Variants in IFT80 observed in about 807,000 individuals in gnomAD.
The protein encoded by IFT80 is intraflagellar transport protein 80 homolog.
In IFT80, 79 loss-of-function variants were observed where a neutral mutation model predicts 107.9. The ratio of observed to expected loss-of-function variants is 0.73; its 90% CI spans 0.61 to 0.88. IFT80 has a LOEUF of 0.88. Ranked by LOEUF, IFT80 falls within the 40% of genes least tolerant of loss-of-function variation. IFT80 has a pLI of 0.00. For synonymous variants in IFT80, 299 were observed against 300.9 expected (o/e 0.99, Z 0.07); for missense variants, 797 against 914.2 (o/e 0.87, Z 1.65).
chr3:160,396,381 C>T (rs1040376676), intron 1 of IFT80, among the ~76,000 whole-genome samples: 2 of 151,994 alleles, frequency 1.3e-5, no homozygotes, highest in African/African-American at 4.8e-5. Flanking sequence ...TAAATATTTA[C>T]AATTACAAAT....
intron 18 of IFT80, among the ~76,000 whole-genome samples, chr3:160,269,599 A>G (rs1295881552): frequency 6.6e-6 from 1 of 152,344 alleles, no homozygotes; most frequent in South Asian, 2.1e-4. Flanking sequence ...GACATAAAAT[A>G]TATACACTGA....
intron 1 of IFT80, among the ~76,000 whole-genome samples, chr3:160,398,875 A>G (rs1348317106): frequency 6.6e-6 from 1 of 152,184 alleles, no homozygotes; most frequent in Non-Finnish European, 1.5e-5. Context: ...TTCACTAGTA[A>G]CACCAATGAT....
chr3:160,389,061 T>C (rs1470860165), intron 1 of IFT80, among the ~76,000 whole-genome samples: 1 of 152,224 alleles, frequency 6.6e-6, no homozygotes, highest in Non-Finnish European at 1.5e-5. Flanking sequence ...TTTAAAGCCC[T>C]TTAATTTATG....
chr3:160,295,371 G>T (rs1017899271), intron 12 of IFT80, among the ~76,000 whole-genome samples: 2 of 152,312 alleles, frequency 1.3e-5, no homozygotes, highest in East Asian at 3.9e-4. Context: ...TTGGGAAGCT[G>T]AAGTGGGAGG....
At chr3:160,399,031 G>C (rs570670803) in intron 1 of IFT80, 115 bp downstream of exon 1, 31 of 152,230 alleles carry the variant, frequency 2.0e-4, no homozygotes, top group African/African-American at 7.5e-4. Context: ...CCGCCAGGGA[G>C]ACAGAAAATG....
At chr3:160,307,868 A>C in intron 9 of IFT80, 87 bp from the exon 10 acceptor site, 1 of 741,710 alleles carries the variant, frequency 1.3e-6, no homozygotes, top group Non-Finnish European at 2.4e-6. Context: ...GAAACACAAA[A>C]AATTAAATGC....
chr3:160,396,974 G>C (rs1713825670), intron 1 of IFT80, among the ~76,000 whole-genome samples: 1 of 152,098 alleles, frequency 6.6e-6, no homozygotes, highest in African/African-American at 2.4e-5. Context: ...AGTTTTCTGA[G>C]TGGGCAATGG....
intron 8 of IFT80, among the ~76,000 whole-genome samples, chr3:160,331,318 C>G (rs769727169): frequency 2.0e-5 from 3 of 152,104 alleles, no homozygotes; most frequent in Non-Finnish European, 4.4e-5. Context: ...CCTGGGAAAA[C>G]AAAGTAGGAT....
chr3:160,287,080 T>C (rs1214606389), intron 12 of IFT80, among the ~76,000 whole-genome samples: 1 of 152,124 alleles, frequency 6.6e-6, no homozygotes, highest in Non-Finnish European at 1.5e-5. Flanking sequence ...GCCAATGTAA[T>C]AAAACCCCAT....
Position 160,388,963 on chromosome 3 carries a change from A to G in IFT80, c.-46-4317T>C, listed in dbSNP as rs542989509. 1.3e-3 allele frequency among the ~76,000 whole-genome samples: 199 copies of G among 152,378 alleles called. 1 individual carries two copies. Among genetic ancestry groups the G allele is most frequent in the African/African-American group, 4.6e-3 (191 of 41,596 alleles). The stretch of plus-strand genomic sequence containing the variant: ...AAATTCTCCCCTAGAGATTCTAGAA[A>G]GAAACACAGTTCTGTCAACACCTTG... On this transcript the variant is annotated intron_variant, in intron 1 of 19. Coordinates refer to ENST00000326448, the MANE Select transcript of IFT80 (RefSeq NM_020800.3).
chr3:160,382,850 G>C (rs1330427739), intron 2 of IFT80, among the ~76,000 whole-genome samples: 1 of 152,028 alleles, frequency 6.6e-6, no homozygotes, highest in Non-Finnish European at 1.5e-5. Flanking sequence ...AGATTAAGCA[G>C]AAACCAAAAA....
intron 5 of IFT80, among the ~76,000 whole-genome samples, chr3:160,371,052 A>G (rs990996272): frequency 2.0e-5 from 3 of 152,202 alleles, no homozygotes; most frequent in African/African-American, 7.2e-5. Context: ...ATGCTTATAG[A>G]ATAAATGCCA....
intron 8 of IFT80, among the ~76,000 whole-genome samples, chr3:160,326,432 T>C (rs113778286): frequency 0.032 from 4,940 of 152,142 alleles, 268 homozygotes; most frequent in African/African-American, 0.11. Context: ...CTCAACAAAA[T>C]ACTGGCAAAG....
intron 8 of IFT80, among the ~76,000 whole-genome samples, chr3:160,328,649 C>A (rs1337445028): frequency 6.6e-6 from 1 of 151,718 alleles, no homozygotes; most frequent in Non-Finnish European, 1.5e-5. Context: ...TGGGTATATA[C>A]CCAAAGGAAT....
At chr3:160,387,258 C>A (rs1344701244) in intron 1 of IFT80, among the ~76,000 whole-genome samples, 7 of 152,230 alleles carry the variant, frequency 4.6e-5, no homozygotes. Context: ...GTAATCCCAG[C>A]ACTTTGGGAG....
intron 9 of IFT80, among the ~76,000 whole-genome samples, chr3:160,314,733 G>A (rs902955562): frequency 2.0e-5 from 3 of 152,212 alleles, no homozygotes; most frequent in Non-Finnish European, 2.9e-5. Context: ...CTGTTAAAAA[G>A]TACAGCCCTC....
At chr3:160,388,665 C>T (rs1027402261) in intron 1 of IFT80, among the ~76,000 whole-genome samples, 6 of 149,792 alleles carry the variant, frequency 4.0e-5, no homozygotes, top group Admixed American at 1.3e-4. Flanking sequence ...AGAGAGAAAA[C>T]GTTAGGTAGC....
intron 8 of IFT80, among the ~76,000 whole-genome samples, chr3:160,349,657 C>G (rs1451812651): frequency 6.6e-6 from 1 of 151,890 alleles, no homozygotes; most frequent in Non-Finnish European, 1.5e-5. Context: ...ATGAGAGAAA[C>G]AAAAAGAAAC....
intron 8 of IFT80, among the ~76,000 whole-genome samples, chr3:160,322,626 G>C (rs1718333722): frequency 6.6e-6 from 1 of 152,064 alleles, no homozygotes; most frequent in South Asian, 2.1e-4. Flanking sequence ...CTTCCACAAG[G>C]GTTGAACTAG....
Sources: gnomAD v4.1 joint callset for allele counts (sites outside exome capture counted in the v4.1 genomes callset) on GRCh38, gnomAD v4.1.1 for gene constraint, MANE v1.5 for transcripts, NCBI Gene and HGNC (gene_info 2026-07-23, HGNC 2026-07-21) for gene names.